PDSS2: variants seen among roughly 807,000 people sequenced by gnomAD.
PDSS2 encodes decaprenyl diphosphate synthase subunit 2, also known as all trans-polyprenyl-diphosphate synthase PDSS2.
PDSS2 carries 31 observed loss-of-function variants against 44.5 expected under a neutral mutation model. The observed-to-expected ratio is 0.70, with a 90% confidence interval of 0.52 to 0.94. The LOEUF is 0.94. PDSS2 is among the 40% of genes least tolerant of loss of function. The pLI is 0.00. For missense variants in PDSS2, 452 were observed against 482.2 expected (o/e 0.94, Z 0.59); for synonymous variants, 157 against 180.3 (o/e 0.87, Z 1.03).
At chr6:107,196,817 A>G (rs1052988037) in intron 6 of PDSS2, among the ~76,000 whole-genome samples, 2 of 152,208 alleles carry the variant, frequency 1.3e-5, no homozygotes, top group Non-Finnish European at 2.9e-5. Context: ...GAGGGGCTGA[A>G]GGTTAACTTG....
chr6:107,388,549 C>T (rs1779682920), intron 1 of PDSS2, among the ~76,000 whole-genome samples: 1 of 151,662 alleles, frequency 6.6e-6, no homozygotes, highest in Admixed American at 6.6e-5. Context: ...CCCGGGTTCA[C>T]GCCATTCTCC....
intron 1 of PDSS2, among the ~76,000 whole-genome samples, chr6:107,344,099 T>C (rs990656986): frequency 2.6e-5 from 4 of 152,176 alleles, no homozygotes; most frequent in Non-Finnish European, 4.4e-5. Flanking sequence ...CCCTATGGTA[T>C]AGGGACCCTT....
At chr6:107,354,936 AT>A (rs34295679) in intron 1 of PDSS2, among the ~76,000 whole-genome samples, 37 of 146,134 alleles carry the variant, frequency 2.5e-4, no homozygotes, top group Middle Eastern at 3.5e-3. Flanking sequence ...ACTTTTTTCT[AT>A]TTTTTTTTTT....
chr6:107,235,316 G>A (rs1774188722), intron 4 of PDSS2, among the ~76,000 whole-genome samples: 1 of 152,140 alleles, frequency 6.6e-6, no homozygotes, highest in Non-Finnish European at 1.5e-5. Flanking sequence ...AACTACTAAA[G>A]TCCAGGGAAA....
At chr6:107,212,654 T>C (rs1486500599) in intron 4 of PDSS2, among the ~76,000 whole-genome samples, 2 of 152,148 alleles carry the variant, frequency 1.3e-5, no homozygotes, top group Non-Finnish European at 2.9e-5. Context: ...TTGCATTTAA[T>C]TTATGTGAAA....
chr6:107,458,017 T>C (rs1204592041), intron 1 of PDSS2, among the ~76,000 whole-genome samples: 3 of 152,160 alleles, frequency 2.0e-5, no homozygotes, highest in Non-Finnish European at 4.4e-5. Flanking sequence ...ATAGTATATA[T>C]ATCTGTGTGT....
intron 7 of PDSS2, among the ~76,000 whole-genome samples, chr6:107,170,828 G>T (rs1771547209): frequency 6.6e-6 from 1 of 151,940 alleles, no homozygotes; most frequent in South Asian, 2.1e-4. Flanking sequence ...GGCCAGGCTG[G>T]TGTCGAACTC....
chr6:107,385,018 G>C (rs1317104735), intron 1 of PDSS2, among the ~76,000 whole-genome samples: 1 of 152,146 alleles, frequency 6.6e-6, no homozygotes, highest in South Asian at 2.1e-4. Context: ...CTGCTCAAAT[G>C]AATCTTCAAA....
intron 6 of PDSS2, among the ~76,000 whole-genome samples, chr6:107,199,188 A>G (rs555952813): frequency 6.4e-4 from 97 of 152,354 alleles, no homozygotes; most frequent in Non-Finnish European, 7.8e-4. Flanking sequence ...ACCTACTATG[A>G]GTCAGACACT....
chr6:107,312,361 C>A (rs979663428), intron 2 of PDSS2, among the ~76,000 whole-genome samples: 1 of 152,206 alleles, frequency 6.6e-6, no homozygotes. Flanking sequence ...AGAACCTATT[C>A]TTTCCCTCTG....
intron 1 of PDSS2, among the ~76,000 whole-genome samples, chr6:107,380,345 G>A (rs921817374): frequency 3.3e-5 from 5 of 152,156 alleles, no homozygotes; most frequent in Admixed American, 2.6e-4. Context: ...GATTCCTTGG[G>A]TTCTGACCTT....
At chr6:107,394,953 G>C (rs879031436) in intron 1 of PDSS2, among the ~76,000 whole-genome samples, 1 of 152,106 alleles carries the variant, frequency 6.6e-6, no homozygotes, top group Admixed American at 6.5e-5. Context: ...TCTTTCTGAA[G>C]AACAATGTTT....
intron 2 of PDSS2, among the ~76,000 whole-genome samples, chr6:107,277,232 C>T (rs1281591130): frequency 2.6e-5 from 4 of 152,184 alleles, no homozygotes; most frequent in South Asian, 2.1e-4. Flanking sequence ...CCTGGAAAGG[C>T]AAGTAAGATT....
At chr6:107,253,278 C>A (rs1470426175) in intron 3 of PDSS2, among the ~76,000 whole-genome samples, 3 of 152,204 alleles carry the variant, frequency 2.0e-5, no homozygotes, top group Non-Finnish European at 2.9e-5. Flanking sequence ...ATCTCATGAT[C>A]CGCCCGCCTC....
intron 1 of PDSS2, among the ~76,000 whole-genome samples, chr6:107,354,225 C>A (rs899398535): frequency 3.3e-5 from 5 of 152,086 alleles, no homozygotes; most frequent in African/African-American, 4.8e-5. Context: ...TCAGCACTTG[C>A]CATGCAGGGC....
intron 1 of PDSS2, among the ~76,000 whole-genome samples, chr6:107,416,431 C>T (rs987785022): frequency 1.3e-5 from 2 of 152,032 alleles, no homozygotes; most frequent in Non-Finnish European, 2.9e-5. Flanking sequence ...AAGTCATATC[C>T]GGGTTGATTT....
chr6:107,299,679 C>T (rs1406436440), intron 2 of PDSS2, among the ~76,000 whole-genome samples: 1 of 152,200 alleles, frequency 6.6e-6, no homozygotes, highest in Non-Finnish European at 1.5e-5. Flanking sequence ...ATTAATGCCC[C>T]ATTGTATAGG....
At chr6:107,327,002 T>A (rs1777569281) in intron 2 of PDSS2, among the ~76,000 whole-genome samples, 1 of 152,222 alleles carries the variant, frequency 6.6e-6, no homozygotes, top group South Asian at 2.1e-4. Flanking sequence ...TTTAATGTTT[T>A]TTCATTCTTG....
chr6:107,452,014 T>A (rs992693034), intron 1 of PDSS2, among the ~76,000 whole-genome samples: 1 of 152,148 alleles, frequency 6.6e-6, no homozygotes, highest in Non-Finnish European at 1.5e-5. Flanking sequence ...CATTTTCTTT[T>A]CTTTCTTCTT....
Sources: allele counts gnomAD v4.1 joint callset (sites outside exome capture counted in the v4.1 genomes callset), GRCh38; gene constraint gnomAD v4.1.1; transcripts MANE v1.5; gene names NCBI Gene and HGNC (gene_info 2026-07-23, HGNC 2026-07-21).